Variants in RBFOX1 observed in about 807,000 individuals in gnomAD.
The protein encoded by RBFOX1 is RNA binding fox-1 homolog 1.
Under a neutral mutation model 57.7 loss-of-function variants are expected in RBFOX1, and 8 were observed. The observed-to-expected ratio is 0.14, with a 90% CI of 0.08 to 0.25. The LOEUF (loss-of-function observed/expected upper bound fraction) is 0.25, where lower values mean the gene tolerates loss of function less well. RBFOX1 is among the 10% of genes least tolerant of loss of function. The pLI, the probability that RBFOX1 is intolerant of heterozygous loss-of-function variation, is 1.00. For synonymous variants in RBFOX1, 326 were observed against 222.4 expected (o/e 1.47, Z -4.15); for missense variants, 611 against 548.5 (o/e 1.11, Z -1.14).
intron 2 of RBFOX1, among the ~76,000 whole-genome samples, chr16:6,633,324 C>G (rs2098405198): frequency 6.6e-6 from 1 of 152,134 alleles, no homozygotes; most frequent in Non-Finnish European, 1.5e-5. Flanking sequence ...GTCGCCCAGG[C>G]TGGAATGCAG....
At chr16:7,686,357 C>A (rs2076066115) in intron 14 of RBFOX1, among the ~76,000 whole-genome samples, 1 of 152,032 alleles carries the variant, frequency 6.6e-6, no homozygotes, top group Admixed American at 6.6e-5. Flanking sequence ...TCCTATCCTT[C>A]TTTTTCAACC....
At chr16:7,518,756 C>T (rs1056133374) in intron 5 of RBFOX1, among the ~76,000 whole-genome samples, 1 of 152,086 alleles carries the variant, frequency 6.6e-6, no homozygotes, top group Non-Finnish European at 1.5e-5. Context: ...GGTGTGGTGG[C>T]TCATGCCTGT....
intron 2 of RBFOX1, among the ~76,000 whole-genome samples, chr16:6,555,216 C>A (rs1293249211): frequency 6.6e-6 from 1 of 152,134 alleles, no homozygotes; most frequent in African/African-American, 2.4e-5. Context: ...TCCCTGCATT[C>A]CATATCAGGT....
chr16:6,945,066 T>C (rs866222418), intron 3 of RBFOX1, among the ~76,000 whole-genome samples: 1 of 152,082 alleles, frequency 6.6e-6, no homozygotes, highest in Non-Finnish European at 1.5e-5. Context: ...TTATTGAGGG[T>C]TTGTGAAGAC....
intron 4 of RBFOX1, among the ~76,000 whole-genome samples, chr16:7,189,586 C>G (rs866394955): frequency 2.7e-5 from 4 of 145,920 alleles, no homozygotes; most frequent in African/African-American, 1.1e-4. Context: ...CACACACACA[C>G]ATACACACAC....
chr16:6,659,936 A>G (rs1181209662), intron 3 of RBFOX1, among the ~76,000 whole-genome samples: 2 of 152,158 alleles, frequency 1.3e-5, no homozygotes, highest in East Asian at 3.9e-4. Flanking sequence ...TATTGCTTAA[A>G]GAGTATTAGG....
chr16:7,250,011 A>C (rs959701077), intron 4 of RBFOX1, among the ~76,000 whole-genome samples: 1 of 152,186 alleles, frequency 6.6e-6, no homozygotes, highest in Non-Finnish European at 1.5e-5. Flanking sequence ...CCATTTTTAT[A>C]AAAAATAGAA....
chr16:6,838,715 C>A (rs1009089101), intron 3 of RBFOX1, among the ~76,000 whole-genome samples: 1 of 152,076 alleles, frequency 6.6e-6, no homozygotes, highest in African/African-American at 2.4e-5. Context: ...GGGGGCTTGC[C>A]CGTCCTGCAT....
intron 3 of RBFOX1, among the ~76,000 whole-genome samples, chr16:7,020,754 G>C (rs528149010): frequency 6.6e-6 from 1 of 152,228 alleles, no homozygotes; most frequent in African/African-American, 2.4e-5. Context: ...CATGAGCTCA[G>C]TGAAATCCCT....
At chr16:6,589,103 CAAA>C (rs59966674) in intron 2 of RBFOX1, among the ~76,000 whole-genome samples, 2 of 151,914 alleles carry the variant, frequency 1.3e-5, no homozygotes, top group South Asian at 2.1e-4. Context: ...ATCTATATTA[CAAA>C]AAAACCCCTA....
At chr16:6,084,719 A>T (rs897810069) in intron 1 of RBFOX1, among the ~76,000 whole-genome samples, 1 of 152,164 alleles carries the variant, frequency 6.6e-6, no homozygotes, top group Non-Finnish European at 1.5e-5. Context: ...AAGGTCAGGC[A>T]TTCTAGGGTA....
chr16:5,913,160 A>G (rs909961605), intron 4 of RBFOX1, among the ~76,000 whole-genome samples: 2 of 152,214 alleles, frequency 1.3e-5, no homozygotes, highest in Admixed American at 6.5e-5. Flanking sequence ...TATGATAAGG[A>G]TAGCAGGTTG....
chr16:7,211,232 A>C (rs1045885545), intron 4 of RBFOX1, among the ~76,000 whole-genome samples: 10 of 151,800 alleles, frequency 6.6e-5, no homozygotes, highest in African/African-American at 2.4e-4. Context: ...TCTACTAAAA[A>C]CACAAAGAAA....
intron 2 of RBFOX1, among the ~76,000 whole-genome samples, chr16:6,490,395 A>G (rs993177067): frequency 2.0e-5 from 3 of 152,184 alleles, no homozygotes; most frequent in African/African-American, 4.8e-5. Flanking sequence ...TCTTGTCAAG[A>G]ATATGTATGG....
At chr16:5,723,529 A>G (rs113920622) in intron 3 of RBFOX1, among the ~76,000 whole-genome samples, 4,264 of 92,788 alleles carry the variant, frequency 0.046, 342 homozygotes, top group African/African-American at 0.2. Flanking sequence ...GGTGTCTGAG[A>G]TCTGATTTTG....
At chr16:6,306,720 T>C (rs1599437323) in intron 1 of RBFOX1, among the ~76,000 whole-genome samples, 3 of 152,332 alleles carry the variant, frequency 2.0e-5, no homozygotes, top group African/African-American at 7.2e-5. Context: ...CAGCCAGCAG[T>C]TGCCGTCCAT....
intron 4 of RBFOX1, among the ~76,000 whole-genome samples, chr16:7,113,600 A>C (rs1057050442): frequency 6.6e-6 from 1 of 152,190 alleles, no homozygotes; most frequent in African/African-American, 2.4e-5. Context: ...TATGCAAATT[A>C]TTATGTTAGC....
At chr16:7,439,112 C>A (rs138061481) in intron 4 of RBFOX1, among the ~76,000 whole-genome samples, 2 of 152,160 alleles carry the variant, frequency 1.3e-5, no homozygotes, top group African/African-American at 4.8e-5. Context: ...ATGGTCCTCG[C>A]GCTGGCAAAT....
chr16:7,681,313 C>T (rs190540259), intron 14 of RBFOX1, among the ~76,000 whole-genome samples: 1 of 152,096 alleles, frequency 6.6e-6, no homozygotes, highest in South Asian at 2.1e-4. Flanking sequence ...AAGGAAGGGA[C>T]CATCTTTCTG....
Sources: allele counts gnomAD v4.1 joint callset (sites outside exome capture counted in the v4.1 genomes callset), GRCh38; gene constraint gnomAD v4.1.1; transcripts MANE v1.5; gene names NCBI Gene and HGNC (gene_info 2026-07-23, HGNC 2026-07-21).